Variants in ZHX3 observed in about 807,000 individuals in gnomAD.
ZHX3 encodes the protein zinc fingers and homeoboxes 3, also known as zinc fingers and homeoboxes protein 3.
A neutral mutation model predicts 64.5 loss-of-function variants in ZHX3; 20 were observed. The ratio of observed to expected loss-of-function variants is 0.31; its 90% CI spans 0.22 to 0.45. ZHX3 has a LOEUF of 0.45. ZHX3 is among the 20% of genes least tolerant of loss of function. ZHX3 has a pLI of 1.00. For synonymous variants in ZHX3, 423 were observed against 461.6 expected, an observed-to-expected ratio of 0.92 and a Z score of 1.07; for missense variants, 1,041 against 1,195.8, an observed-to-expected ratio of 0.87 and a Z score of 1.91.
chr20:41,242,066 C>T (rs1261897118), intron 2 of ZHX3, among the ~76,000 whole-genome samples: 1 of 152,000 alleles, frequency 6.6e-6, no homozygotes, highest in Admixed American at 6.6e-5. Context: ...ATGCTCAGCT[C>T]TAAGAGACAG....
chr20:41,265,196 G>A (rs987016538), intron 2 of ZHX3, among the ~76,000 whole-genome samples: 5 of 149,864 alleles, frequency 3.3e-5, no homozygotes, highest in Admixed American at 1.3e-4. Context: ...AAGTCATTAC[G>A]ATAAATTTTT....
At chr20:41,267,399 C>A (rs546202094) in intron 2 of ZHX3, 1 of 152,374 alleles carries the variant, frequency 6.6e-6, no homozygotes, top group East Asian at 1.9e-4. Context: ...ATCACATGAT[C>A]TCCAAATCTA....
At chr20:41,258,398 T>C (rs148952032) in intron 2 of ZHX3, among the ~76,000 whole-genome samples, 1 of 152,196 alleles carries the variant, frequency 6.6e-6, no homozygotes, top group Non-Finnish European at 1.5e-5. Flanking sequence ...GTCGTACCGG[T>C]TTTTTCTACC....
intron 2 of ZHX3, among the ~76,000 whole-genome samples, chr20:41,244,836 A>G (rs2041595754): frequency 6.6e-6 from 1 of 152,182 alleles, no homozygotes; most frequent in African/African-American, 2.4e-5. Flanking sequence ...CTGCAGTGCC[A>G]TCCTTACCTT....
chr20:41,208,778 G>A (rs936481248), intron 2 of ZHX3, among the ~76,000 whole-genome samples: 4 of 152,160 alleles, frequency 2.6e-5, no homozygotes, highest in African/African-American at 9.7e-5. Flanking sequence ...TTGAAAACTG[G>A]CACAAGACAG....
At chr20:41,295,639 G>A (rs6102343) in intron 1 of ZHX3, among the ~76,000 whole-genome samples, 44,057 of 151,902 alleles carry the variant, frequency 0.29, 7,118 homozygotes, top group African/African-American at 0.44. Flanking sequence ...AGGTCGAGGC[G>A]GGAGATCGAG....
chr20:41,281,971 G>A (rs929232958), intron 1 of ZHX3, among the ~76,000 whole-genome samples: 1 of 152,150 alleles, frequency 6.6e-6, no homozygotes, highest in African/African-American at 2.4e-5. Context: ...TAGGGTGCTG[G>A]CAGGGAAGAT....
intron 2 of ZHX3, among the ~76,000 whole-genome samples, chr20:41,235,112 G>A (rs1269821913): frequency 2.0e-5 from 3 of 152,120 alleles, no homozygotes; most frequent in Admixed American, 2.0e-4. Flanking sequence ...TGTACTTGCA[G>A]CAAACTCGGT....
chr20:41,293,216 T>C (rs1030736503), intron 1 of ZHX3, among the ~76,000 whole-genome samples: 36 of 152,178 alleles, frequency 2.4e-4, no homozygotes, highest in African/African-American at 8.7e-4. Flanking sequence ...TAGAGAAAAC[T>C]TGTTACAAAG....
chr20:41,248,082 C>T (rs2041802144), intron 2 of ZHX3, among the ~76,000 whole-genome samples: 3 of 152,320 alleles, frequency 2.0e-5, no homozygotes, highest in South Asian at 2.1e-4. Context: ...TACACCCAAG[C>T]GTAAATCTAC....
intron 2 of ZHX3, among the ~76,000 whole-genome samples, chr20:41,236,710 G>A (rs2041019487): frequency 1.3e-5 from 2 of 152,226 alleles, no homozygotes; most frequent in South Asian, 4.2e-4. Flanking sequence ...CATAGGCATG[G>A]GCAAGGACTT....
At chr20:41,245,360 C>G (rs1035116913) in intron 2 of ZHX3, among the ~76,000 whole-genome samples, 7 of 152,234 alleles carry the variant, frequency 4.6e-5, no homozygotes, top group African/African-American at 1.7e-4. Context: ...TTGCCTCATG[C>G]AAGCTGTAGC....
At chr20:41,190,332 G>A (rs563255585) in intron 3 of ZHX3, among the ~76,000 whole-genome samples, 1 of 152,164 alleles carries the variant, frequency 6.6e-6, no homozygotes, top group East Asian at 1.9e-4. Context: ...GTGCCACCAT[G>A]CCTGGCTAAT....
intron 2 of ZHX3, among the ~76,000 whole-genome samples, chr20:41,225,644 C>A (rs113848623): frequency 6.6e-6 from 1 of 152,104 alleles, no homozygotes; most frequent in African/African-American, 2.4e-5. Context: ...CCTACCACCA[C>A]GCAGGGCTAA....
chr20:41,198,107 C>T (rs930961686), intron 3 of ZHX3, among the ~76,000 whole-genome samples: 9 of 149,888 alleles, frequency 6.0e-5, no homozygotes, highest in Admixed American at 3.4e-4. Flanking sequence ...CAGGTTCAAG[C>T]GATTCTCCTG....
chr20:41,304,252 T>G (rs1481224542), intron 1 of ZHX3, among the ~76,000 whole-genome samples: 2 of 152,144 alleles, frequency 1.3e-5, no homozygotes, highest in African/African-American at 4.8e-5. Context: ...ATACTTTCTG[T>G]TTGAAATCAT....
chr20:41,185,047 G>A lies in ZHX3; in HGVS notation c.*144C>T. 6.4e-7 allele frequency: 1 copy of A among 1,552,140 alleles called. No individual in the cohort carries two copies. The highest frequency in any genetic ancestry group is 8.7e-7 in the Non-Finnish European group (1 of 1,147,192). ...CGAGGGTAGCGGCAGGCTCTGGGCT[G>A]TCTGCGAGGATTCTGGAAGCTCTCC... is the stretch of plus-strand genomic sequence containing the variant. On this transcript the variant is annotated 3_prime_UTR_variant, in exon 4 of 4. Coordinates refer to ENST00000683867, the MANE Select transcript of ZHX3 (RefSeq NM_001384317.1). The surrounding 1 kb of genome is among the most constrained non-coding windows in gnomAD (Gnocchi z 5.0).
chr20:41,301,861 C>T (rs1056451186), intron 1 of ZHX3, among the ~76,000 whole-genome samples: 2 of 151,352 alleles, frequency 1.3e-5, no homozygotes, highest in Non-Finnish European at 2.9e-5. Flanking sequence ...GAGACCATCC[C>T]GGCTAAAACG....
At chr20:41,317,005 C>CT (rs923791024) in intron 1 of ZHX3, 1 of 152,464 alleles carries the variant, frequency 6.6e-6, no homozygotes, top group Non-Finnish European at 1.5e-5. Context: ...AGCTGACGCT[C>CT]TTTACACCGG....
Sources: allele counts gnomAD v4.1 joint callset (sites outside exome capture counted in the v4.1 genomes callset), GRCh38; gene constraint gnomAD v4.1.1; non-coding constraint Gnocchi (gnomAD v3.1); transcripts MANE v1.5; gene names NCBI Gene and HGNC (gene_info 2026-07-23, HGNC 2026-07-21).